Variants in ACAD10 observed in about 807,000 individuals in gnomAD.
The protein encoded by ACAD10 is acyl-CoA dehydrogenase family member 10.
ACAD10 carries 112 observed loss-of-function variants against 116.8 expected under a neutral mutation model. The ratio of observed to expected loss-of-function variants is 0.96; its 90% confidence interval spans 0.82 to 1.12. The LOEUF is 1.12. Ranked by LOEUF, ACAD10 falls within the 50% of genes most tolerant of loss-of-function variation. ACAD10 has a pLI of 0.00. For synonymous variants in ACAD10, 486 were observed against 510.6 expected, an observed-to-expected ratio of 0.95 and a Z score of 0.65; for missense variants, 1,259 against 1,350.2, an observed-to-expected ratio of 0.93 and a Z score of 1.06.
At position 111,756,621 on chromosome 12, in the gene ACAD10, T is replaced by C; in HGVS notation, c.*148T>C. The C allele has an allele frequency of 7.7e-7, 1 of 1,290,550 alleles. No homozygotes were observed. The highest frequency in any genetic ancestry group is 1.1e-6 in the Non-Finnish European group (1 of 924,694). The allele number at this position is 1,290,550 out of a possible 1,614,324, so 79.9% of individuals were successfully genotyped here. A position where few individuals can be genotyped will look rare whatever the true frequency, so the allele number is the denominator to read the frequency against. On this transcript the variant is annotated 3_prime_UTR_variant, in exon 21 of 21. Transcript: ENST00000313698. ...GGACAGTCAGGGTGGACTCAATCTT[T>C]CTGGTTCTCCACAGAAGACGTCTCT...
intron 8 of ACAD10, among the ~76,000 whole-genome samples, chr12:111,725,128 A>G (rs1446297430): frequency 2.0e-5 from 3 of 152,200 alleles, no homozygotes; most frequent in African/African-American, 7.2e-5. Context: ...GTGTGTGTGT[A>G]TACATGTATA....
chr12:111,723,155 A>T (rs1475671790), intron 8 of ACAD10, among the ~76,000 whole-genome samples: 1 of 96,172 alleles, frequency 1.0e-5, no homozygotes, highest in African/African-American at 4.1e-5. Flanking sequence ...TGACCCCCCC[A>T]CCTCCCTCCC....
intron 18 of ACAD10, 106 bp downstream of exon 18, chr12:111,749,451 A>C: frequency 7.1e-7 from 1 of 1,399,690 alleles, no homozygotes; most frequent in South Asian, 1.4e-5. Flanking sequence ...CTAGCAGGTG[A>C]AGCAAGGTGA....
In ACAD10 at chr12:111,704,688, C is replaced by CTTTTTT. The variant is rs59745029; in HGVS notation, c.337-1038_337-1033dup. Among the ~76,000 whole-genome samples the CTTTTTT allele has an allele frequency of 4.7e-4, 59 of 126,128 alleles. 1 individual carries two copies. Among genetic ancestry groups the CTTTTTT allele is most frequent in the East Asian group, 1.7e-3 (7 of 4,158 alleles). The allele number at this position is 126,128 out of a possible 152,430, so 82.7% of individuals were successfully genotyped here. A position where few individuals can be genotyped will look rare whatever the true frequency, so the allele number is the denominator to read the frequency against. On this transcript the variant is annotated intron_variant, in intron 3 of 20. Coordinates refer to ENST00000313698, the MANE Select transcript of ACAD10 (RefSeq NM_025247.6). ...GTTTTCTTTCTTTCTTTCTTTCTTT[C>CTTTTTT]TTTTTTTTTTTTTTTTTGAGACGGA...
At chr12:111,726,104 A>G (rs1593038309) in intron 8 of ACAD10, among the ~76,000 whole-genome samples, 1 of 152,120 alleles carries the variant, frequency 6.6e-6, no homozygotes, top group East Asian at 1.9e-4. Flanking sequence ...AAATACAGAA[A>G]TTAGCTGGGC....
intron 11 of ACAD10, among the ~76,000 whole-genome samples, chr12:111,736,499 C>T (rs1472773348): frequency 6.6e-6 from 1 of 152,150 alleles, no homozygotes. Context: ...CCTGAGATCG[C>T]TCTTTCCATA....
intron 8 of ACAD10, among the ~76,000 whole-genome samples, chr12:111,727,205 G>A (rs1185944995): frequency 2.6e-5 from 4 of 151,852 alleles, no homozygotes; most frequent in African/African-American, 7.3e-5. Context: ...CAGCCTGGGC[G>A]ACAGAGCAAG....
chr12:111,708,930 A>G (rs1179541796), intron 4 of ACAD10, among the ~76,000 whole-genome samples: 1 of 152,068 alleles, frequency 6.6e-6, no homozygotes, highest in Non-Finnish European at 1.5e-5. Flanking sequence ...TGTCAGGAAC[A>G]GTGTCAGCCC....
chr12:111,706,051 G>C (rs1888494078), intron 4 of ACAD10, 119 bp downstream of exon 4: 1 of 1,065,702 alleles, frequency 9.4e-7, no homozygotes, highest in Admixed American at 2.4e-5. Context: ...TCAGCCACTT[G>C]ACTAAGTTAG....
At chr12:111,705,126 A>T (rs1017176254) in intron 3 of ACAD10, among the ~76,000 whole-genome samples, 2 of 152,100 alleles carry the variant, frequency 1.3e-5, no homozygotes, top group Admixed American at 1.3e-4. Context: ...ATTAAATTAC[A>T]TATACTTCAT....
chr12:111,746,361 C>A, intron 14 of ACAD10, 77 bp downstream of exon 14: 2 of 1,463,610 alleles, frequency 1.4e-6, no homozygotes. Context: ...ACAGATAAAC[C>A]AGATTCAGAA....
chr12:111,687,168 C>G (rs1887890540), intron 1 of ACAD10, among the ~76,000 whole-genome samples: 1 of 151,972 alleles, frequency 6.6e-6, no homozygotes, highest in African/African-American at 2.4e-5. Context: ...ATAGTACATT[C>G]TAGATGTGTG....
In ACAD10 at chr12:111,756,678, A is replaced by T. The variant is rs1264404567; in HGVS notation, c.*205A>T. On this transcript the variant is annotated 3_prime_UTR_variant, in exon 21 of 21. Coordinates refer to ENST00000313698, the MANE Select transcript of ACAD10 (RefSeq NM_025247.6). ...AGCCTGGAGTCTGTTTCAGGCCAGGAGGAGGGGATTTGCTGAGGGCCAAGG... is the reference window on the plus strand; with the variant it reads ...AGCCTGGAGTCTGTTTCAGGCCAGGTGGAGGGGATTTGCTGAGGGCCAAGG... 1.1e-6 allele frequency: 1 copy of T among 889,330 alleles called. No individual in the cohort carries two copies. Among genetic ancestry groups the T allele is most frequent in the Non-Finnish European group, 1.8e-6 (1 of 560,714 alleles). The allele number at this position is 889,330 out of a possible 1,614,324, so 55.1% of individuals were successfully genotyped here.
chr12:111,712,144 T>C (rs1025903757), intron 5 of ACAD10, among the ~76,000 whole-genome samples: 1 of 152,226 alleles, frequency 6.6e-6, no homozygotes, highest in African/African-American at 2.4e-5. Flanking sequence ...CGTCAGCTTA[T>C]AAATGACCCT....
intron 2 of ACAD10, among the ~76,000 whole-genome samples, chr12:111,700,280 C>T (rs950945261): frequency 2.6e-5 from 4 of 152,112 alleles, no homozygotes; most frequent in Admixed American, 1.3e-4. Context: ...TGTGGTATTC[C>T]GTTATATGAA....
chr12:111,710,397 C>G (rs972006567), intron 5 of ACAD10: 4 of 373,306 alleles, frequency 1.1e-5, no homozygotes, highest in African/African-American at 2.2e-5. Flanking sequence ...TTCTATTCTT[C>G]TATGTTTGGG....
At chr12:111,710,005 G>A (rs984541389) in intron 5 of ACAD10, 3 of 343,746 alleles carry the variant, frequency 8.7e-6, no homozygotes, top group African/African-American at 6.6e-5. Flanking sequence ...GGAGCCAGTG[G>A]CCACCAGCCA....
Position 111,702,201 on chromosome 12 carries a change from T to G in ACAD10, c.227T>G (p.Leu76Ter). 6.2e-7 allele frequency: 1 copy of G among 1,614,144 alleles called. No individual in the cohort carries two copies. Among genetic ancestry groups the G allele is most frequent in the African/African-American group, 1.3e-5 (1 of 75,052 alleles). Residue 76 changes from leucine to a stop codon, truncating the protein, a stop_gained, in exon 3 of 21, where the codon TTA (leucine) becomes TGA (stop). Coordinates refer to ENST00000313698, the MANE Select transcript of ACAD10 (RefSeq NM_025247.6). LOFTEE classifies it high-confidence loss of function. ...VQNRIPSGTI[L>*]KALMEGGENG... ...AATCGTATCCCTTCTGGAACTATAT[T>G]AAAGGCCTTGATGGAAGGTGGTGAA...
intron 8 of ACAD10, among the ~76,000 whole-genome samples, chr12:111,724,398 G>A (rs1448436489): frequency 3.3e-5 from 5 of 152,132 alleles, no homozygotes; most frequent in African/African-American, 7.2e-5. Context: ...CTTCCCAGAC[G>A]GGGTGGCGGC....
Sources: allele counts gnomAD v4.1 joint callset (sites outside exome capture counted in the v4.1 genomes callset), GRCh38; gene constraint gnomAD v4.1.1; transcripts MANE v1.5; gene names NCBI Gene and HGNC (gene_info 2026-07-23, HGNC 2026-07-21).